The following ZNF227 variants were observed in gnomAD, a reference collection of about 807,000 sequenced individuals.
ZNF227 encodes zinc finger protein 227.
A neutral mutation model predicts 13.2 loss-of-function variants in ZNF227; 12 were observed. The ratio of observed to expected loss-of-function variants is 0.91; its 90% CI spans 0.58 to 1.47. The LOEUF is 1.47. Among genes scored for constraint, ZNF227 ranks in the 40% most tolerant of loss-of-function variants. ZNF227 has a pLI of 0.00. For synonymous variants in ZNF227, 338 were observed against 326.0 expected, an observed-to-expected ratio of 1.04 and a Z score of -0.40; for missense variants, 885 against 967.5, an observed-to-expected ratio of 0.91 and a Z score of 1.13.
At chr19:44,210,926 G>C (rs537323823), upstream of ZNF227, among the ~76,000 whole-genome samples, 3 of 152,256 alleles carry the variant, frequency 2.0e-5, no homozygotes, top group South Asian at 6.2e-4. Flanking sequence ...AAGTGTGGTG[G>C]CTCATGCCTG....
At chr19:44,214,678 G>A (rs566430378) in intron 2 of ZNF227, among the ~76,000 whole-genome samples, 4 of 152,058 alleles carry the variant, frequency 2.6e-5, no homozygotes, top group South Asian at 4.2e-4. Flanking sequence ...GCGCCCAGCC[G>A]AAAAATTTCA....
intron 2 of ZNF227, among the ~76,000 whole-genome samples, chr19:44,215,428 A>G (rs113563860): frequency 6.8e-6 from 1 of 147,400 alleles, no homozygotes; most frequent in African/African-American, 2.5e-5. Flanking sequence ...ATGTTTTCGT[A>G]GTGTCTTTTA....
intron 5 of ZNF227, 136 bp from the exon 6 acceptor site, chr19:44,234,565 AT>A (rs1255133026): frequency 5.2e-6 from 4 of 764,794 alleles, no homozygotes; most frequent in African/African-American, 3.5e-5. Context: ...AGAATACACG[AT>A]GCTGTAAGGA....
intron 2 of ZNF227, chr19:44,213,873 T>G (rs1284995408): frequency 6.6e-6 from 1 of 152,228 alleles, no homozygotes; most frequent in Non-Finnish European, 1.5e-5. Flanking sequence ...TATGTCATAT[T>G]CTAGTTATAG....
upstream of ZNF227, chr19:44,207,893 T>C (rs1216676797): frequency 6.6e-6 from 1 of 152,232 alleles, no homozygotes; most frequent in Non-Finnish European, 1.5e-5. Context: ...TGTGAGTTAA[T>C]CTTAATCTTT....
At chr19:44,228,739 G>C (rs2122859183) in intron 4 of ZNF227, 167 bp downstream of exon 4, 1 of 796,776 alleles carries the variant, frequency 1.3e-6, no homozygotes, top group Non-Finnish European at 1.8e-6. Flanking sequence ...TTCTGCTCAG[G>C]CAAAATTCTG....
chr19:44,218,016 A>G (rs894854950), intron 3 of ZNF227, among the ~76,000 whole-genome samples, 164 bp downstream of exon 3: 2 of 152,194 alleles, frequency 1.3e-5, no homozygotes, highest in African/African-American at 4.8e-5. Context: ...CACCTTTACT[A>G]TTTTACAAAA....
In ZNF227 at chr19:44,235,161, C is replaced by G. The variant is rs1974297808; in HGVS notation, c.731C>G (p.Pro244Arg). ...AGTGATGGCTCCAATCAGAAATTAC[C>G]CTTAGGAGAGAAACCCCATCCATGT... is the stretch of plus-strand genomic sequence containing the variant. ...IISDGSNQKL[P>R]LGEKPHPCGE... Residue 244 changes from proline to arginine, a missense_variant, in exon 6 of 6, where the codon CCC becomes CGC. Coordinates refer to ENST00000313040, the MANE Select transcript of ZNF227 (RefSeq NM_182490.3). 6.2e-7 allele frequency: 1 copy of G among 1,614,050 alleles called. No individual in the cohort carries two copies. Among genetic ancestry groups the G allele is most frequent in the African/African-American group, 1.3e-5 (1 of 75,024 alleles).
At chr19:44,219,723 C>T (rs908908257) in intron 3 of ZNF227, among the ~76,000 whole-genome samples, 1 of 151,092 alleles carries the variant, frequency 6.6e-6, no homozygotes, top group Non-Finnish European at 1.5e-5. Context: ...TCTGCCATTA[C>T]GCTTTCAAAA....
chr19:44,220,922 C>T (rs1052235786), intron 3 of ZNF227, among the ~76,000 whole-genome samples: 3 of 151,654 alleles, frequency 2.0e-5, no homozygotes, highest in Non-Finnish European at 4.4e-5. Flanking sequence ...GGTTTTTCGT[C>T]CTTGCGATAG....
At chr19:44,218,352 T>A (rs1363450357) in intron 3 of ZNF227, among the ~76,000 whole-genome samples, 2 of 152,214 alleles carry the variant, frequency 1.3e-5, no homozygotes, top group Non-Finnish European at 2.9e-5. Context: ...TAAAAACAAT[T>A]CCTTCAAAAG....
intron 3 of ZNF227, among the ~76,000 whole-genome samples, chr19:44,220,048 G>A (rs1972313616): frequency 6.6e-6 from 1 of 151,558 alleles, no homozygotes; most frequent in African/African-American, 2.4e-5. Flanking sequence ...TTTTGTCCTT[G>A]CGATAGTTTG....
Position 44,217,873 on chromosome 19 carries a change from T to G in ZNF227, c.60+21T>G, listed in dbSNP as rs375660767. ...TTCAGGTACGTAAAGGATTCCTTGC[T>G]GTCTTTTAAAATGTGATTTATTTCT... On this transcript the variant is annotated intron_variant, in intron 3 of 5. Coordinates refer to ENST00000313040, the MANE Select transcript of ZNF227 (RefSeq NM_182490.3). The G allele has an allele frequency of 2.5e-6, 4 of 1,612,364 alleles. No homozygotes were observed. The African/African-American group carries it at 5.3e-5, about 22-fold the overall frequency.
intron 4 of ZNF227, 32 bp downstream of exon 4, chr19:44,228,604 C>G (rs1219381146): frequency 3.2e-6 from 5 of 1,576,464 alleles, no homozygotes; most frequent in Non-Finnish European, 4.3e-6. Flanking sequence ...CCCTGAACTT[C>G]AGTTCCCTTG....
In ZNF227 at chr19:44,235,002, G is replaced by A. The variant is rs1434376139; in HGVS notation, c.572G>A (p.Arg191Lys). The A allele has an allele frequency of 6.2e-7, 1 of 1,614,060 alleles. No homozygotes were observed. The highest frequency in any genetic ancestry group is 1.7e-5 in the Admixed American group (1 of 60,012). ...TYLSESQIQS[R>K]GKQIDVKNNL... Reference sequence around the variant, plus strand: ...CTGAGTGAGTCACAGATTCAGAGTAGAGGTAAGCAAATTGATGTGAAAAAT... The same window carrying A: ...CTGAGTGAGTCACAGATTCAGAGTAAAGGTAAGCAAATTGATGTGAAAAAT... The change falls in exon 6 of 6, where the codon AGA (arginine) becomes AAA (lysine). Residue 191 changes from arginine to lysine, a missense_variant. Transcript: ENST00000313040.
chr19:44,213,311 C>T (rs922874794), intron 2 of ZNF227, 67 bp downstream of exon 2: 3 of 152,194 alleles, frequency 2.0e-5, no homozygotes, highest in South Asian at 2.1e-4. Context: ...GTTTCCGTCA[C>T]TCAGTAAGTT....
intron 2 of ZNF227, among the ~76,000 whole-genome samples, chr19:44,216,631 G>C (rs1971903865): frequency 1.3e-5 from 2 of 151,992 alleles, no homozygotes; most frequent in Admixed American, 1.3e-4. Context: ...ATTCCTGTTA[G>C]ACAAATACGG....
intron 3 of ZNF227, among the ~76,000 whole-genome samples, chr19:44,223,505 G>A (rs931094070): frequency 6.6e-6 from 1 of 152,180 alleles, no homozygotes; most frequent in Non-Finnish European, 1.5e-5. Context: ...GGGTGTATGT[G>A]TTGAGGAATT....
intron 3 of ZNF227, among the ~76,000 whole-genome samples, chr19:44,220,786 C>A (rs909112688): frequency 6.6e-6 from 1 of 152,154 alleles, no homozygotes; most frequent in Non-Finnish European, 1.5e-5. Context: ...TTAGGTATAT[C>A]TGCTAATGCT....
Sources: gnomAD v4.1 joint callset for allele counts (sites outside exome capture counted in the v4.1 genomes callset) on GRCh38, gnomAD v4.1.1 for gene constraint, MANE v1.5 for transcripts, NCBI Gene and HGNC (gene_info 2026-07-23, HGNC 2026-07-21) for gene names.